The following EPN2 variants were observed in gnomAD, a reference collection of about 807,000 sequenced individuals.
EPN2 encodes the protein epsin-2.
In EPN2, 34 loss-of-function variants were observed where a neutral mutation model predicts 61.7. The ratio of observed to expected loss-of-function variants is 0.55; its 90% CI spans 0.42 to 0.73. The LOEUF (loss-of-function observed/expected upper bound fraction) is 0.73. Ranked by LOEUF, EPN2 falls within the 30% of genes least tolerant of loss-of-function variation. The probability of loss-of-function intolerance (pLI) is 0.00; values close to 1 mark genes in which losing one functional copy is unlikely to be tolerated. For synonymous variants in EPN2, 349 were observed against 353.6 expected (o/e 0.99, Z 0.15); for missense variants, 714 against 839.2 (o/e 0.85, Z 1.84).
chr17:19,267,079 T>A (rs1039363043), intron 1 of EPN2, among the ~76,000 whole-genome samples: 1 of 150,150 alleles, frequency 6.7e-6, no homozygotes, highest in African/African-American at 2.4e-5. Flanking sequence ...GACCTTGTGA[T>A]CCGCCTGCCT....
intron 1 of EPN2, chr17:19,271,459 G>A (rs2045252688): frequency 6.6e-6 from 1 of 152,252 alleles, no homozygotes; most frequent in South Asian, 2.1e-4. Context: ...TAACCCTCAG[G>A]GATTGCTCTG....
chr17:19,308,538 G>A (rs1905964912), intron 4 of EPN2: 1 of 985,324 alleles, frequency 1.0e-6, no homozygotes, highest in Non-Finnish European at 1.2e-6. Flanking sequence ...CAGAGGTGCA[G>A]AGTCTGACAC....
chr17:19,325,675 A>G (rs1906833172), intron 7 of EPN2, among the ~76,000 whole-genome samples: 1 of 152,232 alleles, frequency 6.6e-6, no homozygotes, highest in Non-Finnish European at 1.5e-5. Context: ...GAGCAAGACA[A>G]GGATACCAAC....
At chr17:19,268,948 A>G (rs1053634680) in intron 1 of EPN2, among the ~76,000 whole-genome samples, 10 of 152,210 alleles carry the variant, frequency 6.6e-5, no homozygotes, top group Admixed American at 2.0e-4. Flanking sequence ...TGAGGGACTG[A>G]AAACCCAATA....
chr17:19,284,451 G>C (rs1430390513), intron 3 of EPN2, among the ~76,000 whole-genome samples: 1 of 152,152 alleles, frequency 6.6e-6, no homozygotes, highest in African/African-American at 2.4e-5. Flanking sequence ...CCCAACAGGT[G>C]TTTCTCCATT....
intron 1 of EPN2, among the ~76,000 whole-genome samples, chr17:19,267,460 C>T (rs895636908): frequency 2.6e-4 from 40 of 151,540 alleles, no homozygotes; most frequent in African/African-American, 7.8e-4. Flanking sequence ...TACCTGACTT[C>T]GTATATGTTA....
At chr17:19,269,451 G>T (rs996035919) in intron 1 of EPN2, among the ~76,000 whole-genome samples, 2 of 152,202 alleles carry the variant, frequency 1.3e-5, no homozygotes, top group Admixed American at 6.5e-5. Flanking sequence ...GTTAAAGTCG[G>T]TGTGACTGAT....
intron 1 of EPN2, among the ~76,000 whole-genome samples, chr17:19,279,149 G>C (rs902192501): frequency 3.9e-5 from 6 of 152,196 alleles, no homozygotes; most frequent in African/African-American, 1.4e-4. Flanking sequence ...GTCTGTTAGA[G>C]AAAGCCCCTG....
intron 4 of EPN2, chr17:19,296,501 T>C (rs1370174790): frequency 6.6e-6 from 1 of 152,058 alleles, no homozygotes; most frequent in Non-Finnish European, 1.5e-5. Context: ...TTCATGATAA[T>C]TGGGAAAATG....
At chr17:19,243,254 C>G (rs2044905176) in intron 1 of EPN2, among the ~76,000 whole-genome samples, 1 of 125,818 alleles carries the variant, frequency 7.9e-6, no homozygotes, top group African/African-American at 3.1e-5. Context: ...GAGTCTTGTT[C>G]TGTTGCCCAG....
At chr17:19,263,324 C>T (rs201240125) in intron 1 of EPN2, among the ~76,000 whole-genome samples, 3 of 152,072 alleles carry the variant, frequency 2.0e-5, no homozygotes, top group Non-Finnish European at 2.9e-5. Context: ...GAAGTGGGGC[C>T]CATCCCTGGG....
rs758310344 is a variant in EPN2 at position 19,309,892 on chromosome 17, C to T, written c.774C>T (p.Ser258=). 2 of 1,606,630 alleles carry T rather than the reference C, an allele frequency of 1.2e-6. No homozygotes were observed. The highest frequency in any genetic ancestry group is 2.7e-5 in the African/African-American group (2 of 74,934). The change falls in exon 5 of 11, where the codon TCC becomes TCT. Residue 258 remains serine, a synonymous_variant. Coordinates refer to ENST00000314728, the MANE Select transcript of EPN2 (RefSeq NM_014964.5). The part of the protein sequence containing the change: ...LTCDRAARAT[S]PRVSSELEQA... ...CTTGGTCTTCCCCAACAGCCACCTC[C>T]CCGCGAGTGTCCTCCGAGCTGGAGC...
intron 1 of EPN2, among the ~76,000 whole-genome samples, chr17:19,256,235 C>T (rs1469256896): frequency 6.6e-6 from 1 of 152,008 alleles, no homozygotes; most frequent in African/African-American, 2.4e-5. Context: ...CCGCGCCTGG[C>T]CCCAGTCCTT....
In EPN2 at chr17:19,336,411, G is replaced by A. The variant is rs1477263754; in HGVS notation, c.*2157G>A. 6.6e-6 allele frequency: 1 copy of A among 152,514 alleles called. No homozygotes were observed. The highest frequency in any genetic ancestry group is 1.9e-4 in the East Asian group (1 of 5,196). 9.4% of individuals were successfully genotyped at this position (152,514 alleles called of 1,614,324 possible). ...TTTTGTAACGAGTCTTTCATGATGT[G>A]ACTTTGAGGCCCCAACATGACAGCC... is the stretch of plus-strand genomic sequence containing the variant. On this transcript the variant is annotated 3_prime_UTR_variant, in exon 11 of 11. Coordinates refer to ENST00000314728, the MANE Select transcript of EPN2 (RefSeq NM_014964.5).
chr17:19,282,987 G>A lies in EPN2; in HGVS notation c.-133G>A. The A allele has an allele frequency of 1.5e-6, 1 of 659,130 alleles. No individual in the cohort carries two copies. Among genetic ancestry groups the A allele is most frequent in the Non-Finnish European group, 2.6e-6 (1 of 391,326 alleles). The allele number at this position is 659,130 out of a possible 1,614,324, so 40.8% of individuals were successfully genotyped here. ...AGCTTTTCGAATCTGAGGCTCCAAA[G>A]GAGGAAATGACCATTCAGGGATCTT... On this transcript the variant is annotated 5_prime_UTR_variant, in exon 3 of 11. Transcript: ENST00000314728.
chr17:19,240,157 A>C, intron 1 of EPN2, among the ~76,000 whole-genome samples: 1 of 152,114 alleles, frequency 6.6e-6, no homozygotes, highest in Non-Finnish European at 1.5e-5. Context: ...TCTGGTGTAT[A>C]GGGGTGTGAA....
chr17:19,267,749 G>C (rs1399681528), intron 1 of EPN2, among the ~76,000 whole-genome samples: 6 of 151,996 alleles, frequency 3.9e-5, no homozygotes, highest in African/African-American at 1.5e-4. Context: ...CACCATGTTG[G>C]TCAGGCTGGT....
chr17:19,303,512 C>T (rs1189855907), intron 4 of EPN2, among the ~76,000 whole-genome samples: 1 of 152,226 alleles, frequency 6.6e-6, no homozygotes, highest in Non-Finnish European at 1.5e-5. Flanking sequence ...GCCTGGCCCT[C>T]ACCCTGAGCT....
Position 19,285,663 on chromosome 17 carries a change from G to T in EPN2, c.639G>T (p.Pro213=), listed in dbSNP as rs369670723. Residue 213 remains proline, a synonymous_variant, in exon 4 of 11, where the codon CCG becomes CCT. Transcript: ENST00000314728. The surrounding 1 kb of genome is among the most constrained non-coding windows in gnomAD (Gnocchi z 4.5). ...GCCCCCAGCACCGCACAGGGGCCCC[G>T]CTGGGTCAGAGTGAGGAGCTGCAGC... ...SLCPQHRTGA[P]LGQSEELQPL... 3.2e-6 allele frequency: 5 copies of T among 1,571,286 alleles called. No homozygotes were observed. Among genetic ancestry groups the T allele is most frequent in the Non-Finnish European group, 4.3e-6 (5 of 1,159,302 alleles).
Sources: gnomAD v4.1 joint callset for allele counts (sites outside exome capture counted in the v4.1 genomes callset) on GRCh38, gnomAD v4.1.1 for gene constraint, Gnocchi (gnomAD v3.1) non-coding constraint, MANE v1.5 for transcripts, NCBI Gene and HGNC (gene_info 2026-07-23, HGNC 2026-07-21) for gene names.